The following HRK variants were observed in gnomAD, a reference collection of about 807,000 sequenced individuals.
HRK encodes the protein activator of apoptosis harakiri.
HRK carries 6 observed loss-of-function variants against 5.9 expected under a neutral mutation model. The ratio of observed to expected loss-of-function variants is 1.02; its 90% confidence interval spans 0.56 to 2.01. The LOEUF (loss-of-function observed/expected upper bound fraction) is 2.01, where lower values mean the gene tolerates loss of function less well. Among genes scored for constraint, HRK ranks in the 30% most tolerant of loss-of-function variants. The probability of loss-of-function intolerance (pLI) is 0.00; values close to 1 mark genes in which losing one functional copy is unlikely to be tolerated. For missense variants in HRK, 133 were observed against 128.3 expected (o/e 1.04, Z -0.18); for synonymous variants, 85 against 65.1 (o/e 1.31, Z -1.47).
chr12:116,870,658 A>T (rs1878712769), intron 1 of HRK, among the ~76,000 whole-genome samples: 1 of 152,122 alleles, frequency 6.6e-6, no homozygotes, highest in South Asian at 2.1e-4. Flanking sequence ...AAAAAAAAGT[A>T]AAAAATTAGT....
chr12:116,873,981 C>T (rs750000076), intron 1 of HRK, among the ~76,000 whole-genome samples: 1 of 152,176 alleles, frequency 6.6e-6, no homozygotes, highest in Non-Finnish European at 1.5e-5. Context: ...GGTGAGAGTT[C>T]TAAGGGTGAT....
rs752035481 is a variant in HRK, at chr12:116,881,102, C to A, written c.206G>T (p.Trp69Leu). ...CTGCGCGGCCGCGCACAGCCAAGGC[C>A]AGTAGGTGGGGAGCGCGCCGGGCGC... is the stretch of plus-strand genomic sequence containing the variant. ...APAPGALPTY[W>L]PWLCAAAQVA... The change falls in exon 1 of 2, where the codon TGG becomes TTG. Residue 69 changes from tryptophan to leucine, a missense_variant. Trp to Leu is a moderately conservative substitution (Grantham distance 61). Coordinates refer to ENST00000257572, the MANE Select transcript of HRK (RefSeq NM_003806.4). 4.7e-6 allele frequency: 6 copies of A among 1,273,266 alleles called. No homozygotes were observed. Among genetic ancestry groups the A allele is most frequent in the Non-Finnish European group, 5.9e-6 (6 of 1,011,582 alleles). The allele number at this position is 1,273,266 out of a possible 1,614,324, so 78.9% of individuals were successfully genotyped here.
chr12:116,865,247 A>T (rs969298537), intron 1 of HRK, among the ~76,000 whole-genome samples: 3 of 151,562 alleles, frequency 2.0e-5, no homozygotes, highest in African/African-American at 7.3e-5. Context: ...ATTTTTAATT[A>T]AAAAAAAACC....
chr12:116,873,266 C>G (rs913620421), intron 1 of HRK, among the ~76,000 whole-genome samples: 1 of 152,200 alleles, frequency 6.6e-6, no homozygotes, highest in Non-Finnish European at 1.5e-5. Flanking sequence ...TCCCCAGTAG[C>G]TGGGATTACA....
At chr12:116,875,283 G>A (rs1272981213) in intron 1 of HRK, among the ~76,000 whole-genome samples, 2 of 152,128 alleles carry the variant, frequency 1.3e-5, no homozygotes, top group African/African-American at 2.4e-5. Context: ...CAGAGGGATG[G>A]CTCTAGTTGT....
At position 116,862,728 on chromosome 12, in the gene HRK, G is replaced by A. The variant is rs1276455947; in HGVS notation, c.*57-1262C>T. 1.3e-5 allele frequency among the ~76,000 whole-genome samples: 2 copies of A among 151,658 alleles called. No individual in the cohort carries two copies. Among genetic ancestry groups the A allele is most frequent in the African/African-American group, 4.8e-5 (2 of 41,250 alleles). ...GGGTTTTTTGTTTGTTTGTTTGTTT[G>A]TTTGTTTGTTTGTTTGTTTTTGAGA... On this transcript the variant is annotated intron_variant, in intron 1 of 1. Coordinates refer to ENST00000257572, the MANE Select transcript of HRK (RefSeq NM_003806.4). The surrounding 1 kb of genome is among the most constrained non-coding windows in gnomAD (Gnocchi z 4.0).
intron 1 of HRK, among the ~76,000 whole-genome samples, chr12:116,868,073 A>T (rs578110117): frequency 6.6e-6 from 1 of 152,028 alleles, no homozygotes; most frequent in Non-Finnish European, 1.5e-5. Context: ...ACATTGTTAG[A>T]TCTTTTCATT....
chr12:116,877,550 G>A (rs1490321897), intron 1 of HRK, among the ~76,000 whole-genome samples: 1 of 152,174 alleles, frequency 6.6e-6, no homozygotes, highest in Admixed American at 6.5e-5. Context: ...TTCCCGGGAG[G>A]GCAGGTAGGA....
chr12:116,870,135 C>T (rs1261249258), intron 1 of HRK, among the ~76,000 whole-genome samples: 1 of 152,058 alleles, frequency 6.6e-6, no homozygotes, highest in African/African-American at 2.4e-5. Flanking sequence ...GAATCCATTC[C>T]AGTAACTCAG....
At chr12:116,875,333 C>T (rs1878890897) in intron 1 of HRK, among the ~76,000 whole-genome samples, 1 of 152,102 alleles carries the variant, frequency 6.6e-6, no homozygotes, top group South Asian at 2.1e-4. Context: ...ATTTGTTACA[C>T]AGAAGTAGTA....
In HRK at chr12:116,878,648, C is replaced by G. The variant is rs931731308; in HGVS notation, c.*56+2328G>C. 6.5e-6 allele frequency: 1 copy of G among 153,016 alleles called. No homozygotes were observed. The highest frequency in any genetic ancestry group is 6.5e-5 in the Admixed American group (1 of 15,274). 9.5% of individuals were successfully genotyped at this position (153,016 alleles called of 1,614,324 possible). A position where few individuals can be genotyped will look rare whatever the true frequency, so the allele number is the denominator to read the frequency against. ...GGTGGTGAGCAATTCTACGGGTGTC[C>G]CGAGGGTATGAGGGGCGGTGCTGCT... On this transcript the variant is annotated intron_variant, in intron 1 of 1. Transcript: ENST00000257572. This position sits in a 1 kb window ranked among gnomAD's most constrained non-coding sequence, Gnocchi z 4.4.
rs1878639348 is a variant in HRK at position 116,868,807 on chromosome 12, T to C, written c.*57-7341A>G. The stretch of plus-strand genomic sequence containing the variant: ...CCCGGGCTGGGAAGCCCTGATCTAG[T>C]GGTTCTCCCAGCCCTGTCAGAGTGG... On this transcript the variant is annotated intron_variant, in intron 1 of 1. Transcript: ENST00000257572. Among the ~76,000 whole-genome samples the C allele has an allele frequency of 1.3e-5, 2 of 152,150 alleles. 1 individual carries two copies. The highest frequency in any genetic ancestry group is 4.1e-4 in the South Asian group (2 of 4,822).
At chr12:116,863,218 C>T (rs1297578048) in intron 1 of HRK, among the ~76,000 whole-genome samples, 3 of 152,204 alleles carry the variant, frequency 2.0e-5, no homozygotes, top group Non-Finnish European at 2.9e-5. Context: ...GAGATGTTGA[C>T]TTGCATGAAC....
Position 116,859,040 on chromosome 12 carries a change from A to T in HRK, c.*2483T>A, listed in dbSNP as rs1049515293. ...GCACTCCAATGAATGATGTGCAAGG[A>T]AAGGTCAGGATTCGATAAATACGTG... On this transcript the variant is annotated 3_prime_UTR_variant, in exon 2 of 2. Transcript: ENST00000257572. 1.3e-5 allele frequency: 2 copies of T among 152,196 alleles called. No homozygotes were observed. Among genetic ancestry groups the T allele is most frequent in the African/African-American group, 4.8e-5 (2 of 41,442 alleles). 9.4% of individuals were successfully genotyped at this position (152,196 alleles called of 1,614,324 possible). A position where few individuals can be genotyped will look rare whatever the true frequency, so the allele number is the denominator to read the frequency against.
In HRK at chr12:116,865,024, C is replaced by T. The variant is rs376973790; in HGVS notation, c.*57-3558G>A. 2.0e-4 allele frequency among the ~76,000 whole-genome samples: 31 copies of T among 152,130 alleles called. No homozygotes were observed. In the East Asian group the frequency reaches 4.2e-3, roughly 21 times the overall value. On this transcript the variant is annotated intron_variant, in intron 1 of 1. Transcript: ENST00000257572. ...GTCCCTGTTTCCATTTTTCATCCAC[C>T]GTGTGAGGGGGGAGGCGGGCAGAGA... is the stretch of plus-strand genomic sequence containing the variant.
intron 1 of HRK, among the ~76,000 whole-genome samples, chr12:116,865,265 G>T (rs551960601): frequency 6.5e-4 from 99 of 152,236 alleles, no homozygotes; most frequent in African/African-American, 2.3e-3. Context: ...ACCTTGGCCG[G>T]GTGTGGTGGC....
chr12:116,867,106 A>T (rs1878574196), intron 1 of HRK, among the ~76,000 whole-genome samples: 1 of 149,312 alleles, frequency 6.7e-6, no homozygotes, highest in African/African-American at 2.5e-5. Context: ...CCTGGGCCAC[A>T]TAATGAGACT....
intron 1 of HRK, among the ~76,000 whole-genome samples, chr12:116,865,895 C>T (rs1593005086): frequency 2.6e-5 from 4 of 152,244 alleles, no homozygotes; most frequent in East Asian, 1.9e-4. Context: ...TGGTGGCTCA[C>T]GCCTGTAATC....
In HRK at chr12:116,881,344, C is replaced by T; in HGVS notation, c.-37G>A. On this transcript the variant is annotated 5_prime_UTR_variant, in exon 1 of 2. Coordinates refer to ENST00000257572, the MANE Select transcript of HRK (RefSeq NM_003806.4). The stretch of plus-strand genomic sequence containing the variant: ...TCGCTCCCGCCCCGCGCTCGGGCCG[C>T]CCCTCGCCTCCTCTCCCTCCGGCCT... The T allele has an allele frequency of 9.4e-7, 1 of 1,058,286 alleles. No individual in the cohort carries two copies. Among genetic ancestry groups the T allele is most frequent in the Non-Finnish European group, 1.1e-6 (1 of 878,484 alleles). The allele number at this position is 1,058,286 out of a possible 1,614,324, so 65.6% of individuals were successfully genotyped here. A position where few individuals can be genotyped will look rare whatever the true frequency, so the allele number is the denominator to read the frequency against.
Sources: allele counts gnomAD v4.1 joint callset (sites outside exome capture counted in the v4.1 genomes callset), GRCh38; gene constraint gnomAD v4.1.1; non-coding constraint Gnocchi (gnomAD v3.1); transcripts MANE v1.5; gene names NCBI Gene and HGNC (gene_info 2026-07-23, HGNC 2026-07-21).